The following CYP11A1 variants were observed in gnomAD, a reference collection of about 807,000 sequenced individuals.
The protein encoded by CYP11A1 is cholesterol side-chain cleavage enzyme, mitochondrial.
Under a neutral mutation model 51.9 loss-of-function variants are expected in CYP11A1, and 25 were observed. The observed-to-expected ratio is 0.48, with a 90% CI of 0.35 to 0.67. CYP11A1 has a LOEUF of 0.67. Among genes scored for constraint, CYP11A1 ranks in the 30% least tolerant of loss-of-function variants. CYP11A1 has a pLI of 0.00. For missense variants in CYP11A1, 578 were observed against 680.9 expected (o/e 0.85, Z 1.68); for synonymous variants, 245 against 262.1 (o/e 0.93, Z 0.63).
chr15:74,361,392 A>G, intron 1 of CYP11A1: 1 of 274,140 alleles, frequency 3.6e-6, no homozygotes, highest in South Asian at 4.7e-5. Context: ...TCTTGTATAA[A>G]GCTACTAACC....
intron 1 of CYP11A1, among the ~76,000 whole-genome samples, chr15:74,349,078 G>A (rs7175214): frequency 0.063 from 9,580 of 152,078 alleles, 614 homozygotes; most frequent in African/African-American, 0.16. Flanking sequence ...ATGAGGACAC[G>A]GATACACAAA....
In CYP11A1 at chr15:74,338,500, G is replaced by A. The variant is rs1171456004; in HGVS notation, c.1434+71C>T. On this transcript the variant is annotated intron_variant, in intron 8 of 8. Transcript: ENST00000268053. ...CCTTGGGCTCTGGACAGAGATAGGAGGAGGAAGATTGGTGCCTTCATTAGG... is the reference window on the plus strand; with the variant it reads ...CCTTGGGCTCTGGACAGAGATAGGAAGAGGAAGATTGGTGCCTTCATTAGG... The A allele has an allele frequency of 1.1e-5, 16 of 1,464,910 alleles. No homozygotes were observed. The East Asian group carries it at 3.6e-4, about 33-fold the overall frequency. The allele number at this position is 1,464,910 out of a possible 1,614,324, so 90.7% of individuals were successfully genotyped here.
At chr15:74,348,975 C>T (rs1309047804) in intron 1 of CYP11A1, among the ~76,000 whole-genome samples, 1 of 152,214 alleles carries the variant, frequency 6.6e-6, no homozygotes, top group Non-Finnish European at 1.5e-5. Context: ...ATCCTCCCAC[C>T]TCAGCCTCCC....
rs754610565 is a variant in CYP11A1 at position 74,337,977 on chromosome 15, G to A, written c.1561C>T (p.Gln521Ter). Reference sequence around the variant, plus strand: ...CTGCAGGCCATCCTCTCTGATCACTGCTGGGTTGCTTCCTGGTTAAAGGGC... The same window carrying A: ...CTGCAGGCCATCCTCTCTGATCACTACTGGGTTGCTTCCTGGTTAAAGGGC... The part of the protein sequence containing the change: ...FWPFNQEATQ[Q>*] The change falls in exon 9 of 9, where the codon CAG (glutamine) becomes TAG (stop). Residue 521 changes from glutamine (Q) to a stop codon, truncating the protein, a stop_gained. Coordinates refer to ENST00000268053, the MANE Select transcript of CYP11A1 (RefSeq NM_000781.3). LOFTEE classifies it high-confidence loss of function. 3 of 1,613,986 alleles carry A rather than the reference G, an allele frequency of 1.9e-6. No individual in the cohort carries two copies. The Admixed American group carries it at 5.0e-5, about 27-fold the overall frequency.
chr15:74,343,690 C>T (rs1156915934), intron 4 of CYP11A1, 99 bp downstream of exon 4: 1 of 1,120,580 alleles, frequency 8.9e-7, no homozygotes, highest in African/African-American at 1.5e-5. Context: ...TGTGGGTTTC[C>T]TACAGGTCAA....
In CYP11A1 at chr15:74,345,424, G is replaced by T. The variant is rs2060628672; in HGVS notation, c.426-181C>A. On this transcript the variant is annotated intron_variant, in intron 2 of 8. Coordinates refer to ENST00000268053, the MANE Select transcript of CYP11A1 (RefSeq NM_000781.3). The surrounding 1 kb of genome is among the most constrained non-coding windows in gnomAD (Gnocchi z 4.3). ...CTGCCTCTCACCTCCTCCCTGCTCT[G>T]CCTGGCTGGGAGAAGAGAAAGGAAA... The T allele has an allele frequency of 6.2e-6, 4 of 645,048 alleles. No homozygotes were observed. The highest frequency in any genetic ancestry group is 8.3e-6 in the Non-Finnish European group (3 of 361,902). 40.0% of individuals were successfully genotyped at this position (645,048 alleles called of 1,614,324 possible).
At position 74,339,728 on chromosome 15, in the gene CYP11A1, A is replaced by G; in HGVS notation, c.1016T>C (p.Leu339Ser). 1 of 1,614,022 alleles carries G rather than the reference A, an allele frequency of 6.2e-7. No homozygotes were observed. Among genetic ancestry groups the G allele is most frequent in the South Asian group, 1.1e-5 (1 of 91,078 alleles). ...CTTCAGGTTGCGTGCCATCTCATACAAGTGCCACTGCAGGGTCATGGACGT... is the reference window on the plus strand; with the variant it reads ...CTTCAGGTTGCGTGCCATCTCATACGAGTGCCACTGCAGGGTCATGGACGT... ...DTTSMTLQWH[L>S]YEMARNLKVQ... Residue 339 changes from leucine to serine, a missense_variant, in exon 6 of 9, where the codon TTG becomes TCG. Physicochemically the swap from Leu to Ser is moderately radical, Grantham distance 145. Transcript: ENST00000268053.
intron 1 of CYP11A1, chr15:74,366,072 T>G (rs1567058881): frequency 3.0e-6 from 3 of 985,324 alleles, no homozygotes; most frequent in Non-Finnish European, 3.6e-6. Context: ...GGGCTCGGGC[T>G]GTGTCGAGGG....
At position 74,347,964 on chromosome 15, in the gene CYP11A1, ATCGT is replaced by A. The variant is rs771131062; in HGVS notation, c.357_360del (p.Glu119AspfsTer18). The A allele has an allele frequency of 6.2e-7, 1 of 1,614,184 alleles. No homozygotes were observed. Among genetic ancestry groups the A allele is most frequent in the Admixed American group, 1.7e-5 (1 of 60,022 alleles). ...TAGGCGACCCAGGGCGGGATGAGGAATCGTTCTGGGTTGGGGCCCTCGGACTTAA... is the reference window on the plus strand; with the variant it reads ...TAGGCGACCCAGGGCGGGATGAGGAATCTGGGTTGGGGCCCTCGGACTTAA... On this transcript the variant is annotated frameshift_variant, in exon 2 of 9. Transcript: ENST00000268053. LOFTEE classifies it high-confidence loss of function.
intron 3 of CYP11A1, 173 bp downstream of exon 3, chr15:74,344,871 G>C (rs1244194175): frequency 1.4e-6 from 1 of 705,540 alleles, no homozygotes; most frequent in South Asian, 1.6e-5. Context: ...TGTTGCCCAG[G>C]GTGGTCTTAA....
At chr15:74,339,146 C>G (rs2060593760) in intron 7 of CYP11A1, 91 bp downstream of exon 7, 2 of 1,093,532 alleles carry the variant, frequency 1.8e-6, no homozygotes, top group South Asian at 1.3e-5. Flanking sequence ...AAGGGCCCCA[C>G]CAGGGCCCCA....
In CYP11A1 at chr15:74,343,788, C is replaced by G; in HGVS notation, c.829+1G>C. On this transcript the variant is annotated splice_donor_variant, in intron 4 of 8. Transcript: ENST00000268053. LOFTEE classifies it high-confidence loss of function. ...GAGAGCACAGCCAGAGAAGCCCTCA[C>G]CTTTACTGAAAATCACGTCCCATGC... is the stretch of plus-strand genomic sequence containing the variant. The G allele has an allele frequency of 6.2e-7, 1 of 1,612,074 alleles. No homozygotes were observed. The highest frequency in any genetic ancestry group is 1.1e-5 in the South Asian group (1 of 91,004).
intron 2 of CYP11A1, 53 bp downstream of exon 2, chr15:74,347,847 C>T: frequency 6.2e-7 from 1 of 1,602,952 alleles, no homozygotes; most frequent in Non-Finnish European, 8.5e-7. Context: ...TCTGCCCTCT[C>T]CACAGCTCCC....
At chr15:74,339,215 G>A in intron 7 of CYP11A1, 22 bp downstream of exon 7, 1 of 1,602,426 alleles carries the variant, frequency 6.2e-7, no homozygotes, top group Non-Finnish European at 8.6e-7. Context: ...GGCAGAGCCT[G>A]CAGCCTGCTG....
In CYP11A1 at chr15:74,342,732, C is replaced by T. The variant is rs115720524; in HGVS notation, c.990+245G>A. ...GGAACCTGGACCTCACCACCATGCC[C>T]GGCCACTCCTCTCTCACAGGCAAAG... On this transcript the variant is annotated intron_variant, in intron 5 of 8. Transcript: ENST00000268053. 7.2e-3 allele frequency among the ~76,000 whole-genome samples: 1,094 copies of T among 152,316 alleles called. 14 individuals are homozygous for T. Among genetic ancestry groups the T allele is most frequent in the African/African-American group, 0.026 (1,065 of 41,574 alleles).
chr15:74,341,643 G>C (rs143619336), intron 5 of CYP11A1, among the ~76,000 whole-genome samples: 1 of 152,148 alleles, frequency 6.6e-6, no homozygotes, highest in South Asian at 2.1e-4. Context: ...CTATTCCTCC[G>C]TTCACACTGC....
In CYP11A1 at chr15:74,340,432, G is replaced by A. The variant is rs1567051613; in HGVS notation, c.991-679C>T. 2.6e-5 allele frequency among the ~76,000 whole-genome samples: 4 copies of A among 152,196 alleles called. No homozygotes were observed. In the East Asian group the frequency reaches 7.7e-4, roughly 29 times the overall value. ...AATGATGACAAACCAGGCCCGTTTG[G>A]GACTCCAGCCTGGAGCAGCCCTCCC... On this transcript the variant is annotated intron_variant, in intron 5 of 8. Coordinates refer to ENST00000268053, the MANE Select transcript of CYP11A1 (RefSeq NM_000781.3).
At chr15:74,364,671 G>C (rs1365068406) in intron 1 of CYP11A1, 1 of 152,186 alleles carries the variant, frequency 6.6e-6, no homozygotes, top group Admixed American at 6.5e-5. Flanking sequence ...CAAGAACCTG[G>C]ACACCCTCCA....
intron 5 of CYP11A1, among the ~76,000 whole-genome samples, chr15:74,342,384 G>A (rs1030068524): frequency 2.0e-5 from 3 of 152,116 alleles, no homozygotes; most frequent in African/African-American, 7.2e-5. Context: ...GCCCGGCCAG[G>A]ACTGATTATT....
Sources: gnomAD v4.1 joint callset for allele counts (sites outside exome capture counted in the v4.1 genomes callset) on GRCh38, gnomAD v4.1.1 for gene constraint, Gnocchi (gnomAD v3.1) non-coding constraint, MANE v1.5 for transcripts, NCBI Gene and HGNC (gene_info 2026-07-23, HGNC 2026-07-21) for gene names.